GRIK3: variants seen among roughly 807,000 people sequenced by gnomAD.
GRIK3 encodes glutamate ionotropic receptor kainate type subunit 3, also known as glutamate receptor ionotropic, kainate 3.
A neutral mutation model predicts 102.5 loss-of-function variants in GRIK3; 29 were observed. The ratio of observed to expected loss-of-function variants is 0.28; its 90% CI spans 0.21 to 0.39. The LOEUF (loss-of-function observed/expected upper bound fraction) is 0.39. Among genes scored for constraint, GRIK3 ranks in the 10% least tolerant of loss-of-function variants. The pLI, the probability that GRIK3 is intolerant of heterozygous loss-of-function variation, is 1.00. For missense variants in GRIK3, 908 were observed against 1,252.4 expected (o/e 0.73, Z 4.15); for synonymous variants, 511 against 504.9 (o/e 1.01, Z -0.16).
At chr1:36,853,808 C>T (rs1640616093) in intron 7 of GRIK3, 86 bp from the exon 8 acceptor site, 1 of 767,926 alleles carries the variant, frequency 1.3e-6, no homozygotes. Flanking sequence ...ATTTTAATTA[C>T]TCCTTGCACT....
At chr1:36,814,969 C>T (rs973842395) in intron 13 of GRIK3, among the ~76,000 whole-genome samples, 2 of 152,196 alleles carry the variant, frequency 1.3e-5, no homozygotes, top group African/African-American at 4.8e-5. Flanking sequence ...ACACACATGT[C>T]CCCACACAGG....
intron 1 of GRIK3, among the ~76,000 whole-genome samples, chr1:37,009,417 AT>A (rs1642565738): frequency 6.6e-6 from 1 of 152,232 alleles, no homozygotes; most frequent in South Asian, 2.1e-4. Flanking sequence ...CCAGCCCCAG[AT>A]TCTCTGTGGA....
At chr1:37,008,236 G>A (rs933739257) in intron 1 of GRIK3, among the ~76,000 whole-genome samples, 4 of 152,330 alleles carry the variant, frequency 2.6e-5, no homozygotes, top group African/African-American at 9.6e-5. Context: ...TAGGTGCAAA[G>A]GCTGGCTCTA....
intron 1 of GRIK3, among the ~76,000 whole-genome samples, chr1:36,899,983 A>G (rs1041429796): frequency 6.6e-6 from 1 of 152,230 alleles, no homozygotes; most frequent in African/African-American, 2.4e-5. Flanking sequence ...TCAGAAATGG[A>G]CTGATCCAGT....
Position 36,981,388 on chromosome 1 carries a change from G to T in GRIK3, c.115+52606C>A, listed in dbSNP as rs138787371. ...GTTGCCTGCCTGGTGACCAGAGAGA[G>T]GGGGCAGTGAGCCAGCCAGCCAAGG... On this transcript the variant is annotated intron_variant, in intron 1 of 15. Transcript: ENST00000373091. Among the ~76,000 whole-genome samples, 701 of 152,322 alleles carry T rather than the reference G, an allele frequency of 4.6e-3. 6 individuals carry two copies. Among genetic ancestry groups the T allele is most frequent in the African/African-American group, 0.016 (671 of 41,556 alleles).
At chr1:36,831,195 C>A (rs920173171) in intron 10 of GRIK3, among the ~76,000 whole-genome samples, 6 of 152,230 alleles carry the variant, frequency 3.9e-5, no homozygotes, top group African/African-American at 1.4e-4. Flanking sequence ...ATGGCTGGAC[C>A]CACCCTGCCT....
At chr1:36,860,065 A>G (rs1640704329) in intron 5 of GRIK3, 48 bp from the exon 6 acceptor site, 1 of 1,442,674 alleles carries the variant, frequency 6.9e-7, no homozygotes, top group Non-Finnish European at 9.4e-7. Context: ...CACTGCTGAG[A>G]ACTCCAGCCC....
At chr1:36,861,300 TGG>T (rs1473915797) in intron 5 of GRIK3, among the ~76,000 whole-genome samples, 1 of 152,170 alleles carries the variant, frequency 6.6e-6, no homozygotes, top group Non-Finnish European at 1.5e-5. Flanking sequence ...ATCCCACTAG[TGG>T]GGAAACTGAG....
intron 3 of GRIK3, among the ~76,000 whole-genome samples, chr1:36,877,754 C>T (rs1640926092): frequency 6.6e-6 from 1 of 152,156 alleles, no homozygotes; most frequent in Non-Finnish European, 1.5e-5. Context: ...TCTCCTCATT[C>T]ATCTATCCTC....
At chr1:36,922,327 G>A (rs1641482495) in intron 1 of GRIK3, among the ~76,000 whole-genome samples, 2 of 152,296 alleles carry the variant, frequency 1.3e-5, no homozygotes, top group South Asian at 4.1e-4. Flanking sequence ...CAGGCGGTGG[G>A]TTCTGCCCTG....
chr1:36,962,109 A>T (rs1570828386), intron 1 of GRIK3, among the ~76,000 whole-genome samples: 1 of 152,296 alleles, frequency 6.6e-6, no homozygotes, highest in East Asian at 1.9e-4. Context: ...CAGGCGGGGC[A>T]GGAGCACCGG....
chr1:36,980,445 C>T (rs1310132848), intron 1 of GRIK3, among the ~76,000 whole-genome samples: 2 of 151,552 alleles, frequency 1.3e-5, no homozygotes, highest in East Asian at 3.9e-4. Context: ...GGGACACTCT[C>T]CCTCCTCCTT....
intron 5 of GRIK3, among the ~76,000 whole-genome samples, chr1:36,867,351 C>A (rs1330200303): frequency 6.6e-6 from 1 of 152,110 alleles, no homozygotes; most frequent in African/African-American, 2.4e-5. Flanking sequence ...TGGGGCTGGA[C>A]AACTCATCTC....
Position 36,801,622 on chromosome 1 carries a change from C to T in GRIK3, c.*229G>A, listed in dbSNP as rs1029566356. On this transcript the variant is annotated 3_prime_UTR_variant, in exon 16 of 16. Transcript: ENST00000373091. ...GTGCTTCCTTTGGCCTTGGCTATCTCGGCTGGCAGCTTTAGAAACCCACAG... is the reference window on the plus strand; with the variant it reads ...GTGCTTCCTTTGGCCTTGGCTATCTTGGCTGGCAGCTTTAGAAACCCACAG... 5.0e-5 allele frequency: 21 copies of T among 421,374 alleles called. No homozygotes were observed. Among genetic ancestry groups the T allele is most frequent in the Admixed American group, 1.6e-4 (4 of 24,600 alleles). 26.1% of individuals were successfully genotyped at this position (421,374 alleles called of 1,614,324 possible).
At chr1:36,968,303 A>G (rs957967368) in intron 1 of GRIK3, among the ~76,000 whole-genome samples, 1 of 148,034 alleles carries the variant, frequency 6.8e-6, no homozygotes, top group African/African-American at 2.5e-5. Flanking sequence ...CCCTCCATAG[A>G]TTTATTTTTG....
intron 15 of GRIK3, among the ~76,000 whole-genome samples, chr1:36,803,383 T>C (rs1452760150): frequency 6.6e-6 from 1 of 152,126 alleles, no homozygotes; most frequent in Non-Finnish European, 1.5e-5. Flanking sequence ...GACAGATCCT[T>C]TAGGCTTTTT....
chr1:36,893,180 T>C (rs1314986969), intron 1 of GRIK3, among the ~76,000 whole-genome samples: 1 of 152,088 alleles, frequency 6.6e-6, no homozygotes, highest in East Asian at 1.9e-4. Context: ...TAAAAGAAAG[T>C]TTGATAGCTC....
At position 36,891,055 on chromosome 1, in the gene GRIK3, T is replaced by C. The variant is rs2124273022; in HGVS notation, c.157A>G (p.Met53Val). Residue 53 changes from methionine (M) to valine (V), a missense_variant, in exon 2 of 16, where the codon ATG becomes GTG. Coordinates refer to ENST00000373091, the MANE Select transcript of GRIK3 (RefSeq NM_000831.4). ...CGAAAGGCATGCTCCTCGGCATTCA[T>C]GACCTGGGCGTTGGGGCCGTCCGCA... Reference protein sequence around the residue: ...EYADGPNAQVMNAEEHAFRFS... With the variant: ...EYADGPNAQVVNAEEHAFRFS... The C allele has an allele frequency of 1.2e-6, 2 of 1,613,996 alleles. No homozygotes were observed. The highest frequency in any genetic ancestry group is 1.7e-6 in the Non-Finnish European group (2 of 1,179,904).
At chr1:36,954,373 C>T (rs998603282) in intron 1 of GRIK3, among the ~76,000 whole-genome samples, 6 of 152,208 alleles carry the variant, frequency 3.9e-5, no homozygotes, top group Non-Finnish European at 8.8e-5. Flanking sequence ...TGAAGAGTCA[C>T]GGAATGCCTT....
Sources: gnomAD v4.1 joint callset for allele counts (sites outside exome capture counted in the v4.1 genomes callset) on GRCh38, gnomAD v4.1.1 for gene constraint, MANE v1.5 for transcripts, NCBI Gene and HGNC (gene_info 2026-07-23, HGNC 2026-07-21) for gene names.